PXDNL: variants seen among roughly 807,000 people sequenced by gnomAD.
PXDNL encodes probable oxidoreductase PXDNL.
In PXDNL, 145 loss-of-function variants were observed where a neutral mutation model predicts 150.8. The ratio of observed to expected loss-of-function variants is 0.96; its 90% CI spans 0.84 to 1.10. PXDNL has a LOEUF of 1.10. PXDNL is among the 50% of genes least tolerant of loss of function. The pLI is 0.00. For missense variants in PXDNL, 2,087 were observed against 1,873.9 expected (o/e 1.11, Z -2.10); for synonymous variants, 757 against 725.7 (o/e 1.04, Z -0.69).
chr8:51,599,550 T>C (rs1813647762), intron 2 of PXDNL, among the ~76,000 whole-genome samples: 1 of 150,052 alleles, frequency 6.7e-6, no homozygotes, highest in Non-Finnish European at 1.5e-5. Context: ...TATATATTTT[T>C]ATTCCACTGT....
In PXDNL at chr8:51,654,760, T is replaced by C; in HGVS notation, c.165A>G (p.Leu55=). 6.2e-7 allele frequency: 1 copy of C among 1,612,104 alleles called. No homozygotes were observed. Among genetic ancestry groups the C allele is most frequent in the Admixed American group, 1.7e-5 (1 of 60,006 alleles). The change falls in exon 2 of 23, where the codon CTA becomes CTG. Residue 55 remains leucine (L), a splice_region_variant and synonymous_variant. Coordinates refer to ENST00000356297, the MANE Select transcript of PXDNL (RefSeq NM_144651.5). ...CTCTTATTCTGTTAAACCTCAAGTC[T>C]CTGGGAACATAAAAAGGTGAAGAAC... ...IPQVPQQTTV[L]DLRFNRIREI... is the part of the protein sequence containing the mutation.
At chr8:51,630,716 C>A (rs1038014569) in intron 2 of PXDNL, among the ~76,000 whole-genome samples, 2 of 151,974 alleles carry the variant, frequency 1.3e-5, no homozygotes, top group Admixed American at 6.6e-5. Flanking sequence ...AAATGTAAAT[C>A]AAACCCACAA....
chr8:51,579,303 A>G (rs2130621372), intron 3 of PXDNL, among the ~76,000 whole-genome samples: 1 of 152,210 alleles, frequency 6.6e-6, no homozygotes, highest in Non-Finnish European at 1.5e-5. Context: ...AGACATGAGC[A>G]GACATGAATA....
chr8:51,749,996 G>A (rs183593010), intron 1 of PXDNL, among the ~76,000 whole-genome samples: 2 of 152,108 alleles, frequency 1.3e-5, no homozygotes, highest in South Asian at 2.1e-4. Context: ...CACCAGGCCC[G>A]GTCCACTAAA....
intron 17 of PXDNL, among the ~76,000 whole-genome samples, chr8:51,402,423 G>T (rs922152362): frequency 6.6e-6 from 1 of 152,096 alleles, no homozygotes. Flanking sequence ...GGAGGCTGAG[G>T]CAGGAGAATC....
intron 17 of PXDNL, among the ~76,000 whole-genome samples, chr8:51,405,314 G>A (rs540077800): frequency 6.6e-6 from 1 of 152,202 alleles, no homozygotes; most frequent in Admixed American, 6.5e-5. Context: ...GGATTGCTGC[G>A]AGGGCTGCCA....
intron 1 of PXDNL, among the ~76,000 whole-genome samples, chr8:51,772,781 G>A (rs1295631530): frequency 6.6e-6 from 1 of 152,212 alleles, no homozygotes; most frequent in Non-Finnish European, 1.5e-5. Flanking sequence ...AGTTAATGAA[G>A]TTAGAGTCAC....
At chr8:51,783,762 C>T (rs547234619) in intron 1 of PXDNL, among the ~76,000 whole-genome samples, 19 of 152,118 alleles carry the variant, frequency 1.2e-4, no homozygotes, top group African/African-American at 4.3e-4. Context: ...ATGAAAGGGG[C>T]GTATTAGCCA....
chr8:51,379,385 G>A (rs1807462169), intron 17 of PXDNL, among the ~76,000 whole-genome samples: 1 of 152,096 alleles, frequency 6.6e-6, no homozygotes, highest in African/African-American at 2.4e-5. Context: ...GGTAATCTGA[G>A]GGGTGTGAAA....
rs756739830 is a variant in PXDNL at position 51,457,527 on chromosome 8, C to T, written c.953G>A (p.Ser318Asn). The change falls in exon 9 of 23, where the codon AGT (serine) becomes AAT (asparagine). Residue 318 changes from serine (S) to asparagine (N), a missense_variant. By Grantham distance (46) the Ser-to-Asn change is conservative. Transcript: ENST00000356297. The part of the protein sequence containing the change: ...RNSAGEAKTQ[S>N]AMLRYSSLPA... ...AAGACTGGAGTATCTGAGCATGGCACTCTGTGTCTTGGCTTCCCCAGCGGA... is the reference window on the plus strand; with the variant it reads ...AAGACTGGAGTATCTGAGCATGGCATTCTGTGTCTTGGCTTCCCCAGCGGA... 2 of 1,613,058 alleles carry T rather than the reference C, an allele frequency of 1.2e-6. No homozygotes were observed. The highest frequency in any genetic ancestry group is 2.2e-5 in the South Asian group (2 of 90,868).
intron 1 of PXDNL, among the ~76,000 whole-genome samples, chr8:51,790,691 C>T (rs1052554606): frequency 7.8e-6 from 1 of 128,580 alleles, no homozygotes; most frequent in Non-Finnish European, 1.8e-5. Flanking sequence ...CTGGAGGCGG[C>T]GGAGGGCAGC....
At chr8:51,800,471 G>A (rs1376912934) in intron 1 of PXDNL, among the ~76,000 whole-genome samples, 1 of 152,138 alleles carries the variant, frequency 6.6e-6, no homozygotes, top group African/African-American at 2.4e-5. Context: ...CTTCCCCAAG[G>A]TGAGCTCTGA....
intron 4 of PXDNL, among the ~76,000 whole-genome samples, chr8:51,541,122 G>A (rs1005736938): frequency 1.8e-4 from 28 of 152,070 alleles, no homozygotes; most frequent in African/African-American, 6.8e-4. Context: ...GCTGGGCGTG[G>A]TGGCATGTGC....
rs2036959313 is a variant in PXDNL, at chr8:51,744,801, GAGAGAAAGAA to G, written c.164+64370_164+64379del. Reference sequence around the variant, plus strand: ...AAGAAAAGAGAGAAAAAGAGAAAGAGAGAGAAAGAAAGAGAAAGAAGGACAGACAGAAAGA... The same window carrying G: ...AAGAAAAGAGAGAAAAAGAGAAAGAGAGAGAAAGAAGGACAGACAGAAAGA... On this transcript the variant is annotated intron_variant, in intron 1 of 22. Coordinates refer to ENST00000356297, the MANE Select transcript of PXDNL (RefSeq NM_144651.5). 4.8e-5 allele frequency among the ~76,000 whole-genome samples: 7 copies of G among 146,470 alleles called. No homozygotes were observed. In the East Asian group the frequency reaches 8.1e-4, roughly 17 times the overall value.
At chr8:51,446,182 C>T (rs1809667928) in intron 12 of PXDNL, among the ~76,000 whole-genome samples, 1 of 152,216 alleles carries the variant, frequency 6.6e-6, no homozygotes, top group Non-Finnish European at 1.5e-5. Flanking sequence ...TCTTCTCACA[C>T]CTACGTTGAT....
chr8:51,344,560 T>A (rs1586017833), intron 20 of PXDNL, among the ~76,000 whole-genome samples: 1 of 152,198 alleles, frequency 6.6e-6, no homozygotes, highest in South Asian at 2.1e-4. Context: ...TAAGAATTAA[T>A]CACCCCTTGC....
At chr8:51,774,614 C>T (rs927088358) in intron 1 of PXDNL, among the ~76,000 whole-genome samples, 3 of 151,920 alleles carry the variant, frequency 2.0e-5, no homozygotes, top group Non-Finnish European at 2.9e-5. Context: ...GTCAGGAGAT[C>T]GAGACCATCC....
At chr8:51,558,997 G>A (rs1475698715) in intron 3 of PXDNL, among the ~76,000 whole-genome samples, 1 of 151,972 alleles carries the variant, frequency 6.6e-6, no homozygotes, top group Admixed American at 6.6e-5. Context: ...TAGAGGGAAA[G>A]AGGTTAGAAA....
At chr8:51,683,373 T>A (rs1363591887) in intron 1 of PXDNL, among the ~76,000 whole-genome samples, 1 of 151,182 alleles carries the variant, frequency 6.6e-6, no homozygotes, top group Non-Finnish European at 1.5e-5. Context: ...TATGTCTTCT[T>A]TGGAGAAATG....
Sources: allele counts gnomAD v4.1 joint callset (sites outside exome capture counted in the v4.1 genomes callset), GRCh38; gene constraint gnomAD v4.1.1; transcripts MANE v1.5; gene names NCBI Gene and HGNC (gene_info 2026-07-23, HGNC 2026-07-21).